RBFOX1: variants seen among roughly 807,000 people sequenced by gnomAD.
RBFOX1 encodes RNA binding fox-1 homolog 1.
RBFOX1 carries 8 observed loss-of-function variants against 57.7 expected under a neutral mutation model. That is an observed-to-expected ratio of 0.14 (90% CI 0.08 to 0.25). The LOEUF (loss-of-function observed/expected upper bound fraction) is 0.25. RBFOX1 is among the 10% of genes least tolerant of loss of function. The pLI is 1.00. For synonymous variants in RBFOX1, 326 were observed against 222.4 expected (o/e 1.47, Z -4.15); for missense variants, 611 against 548.5 (o/e 1.11, Z -1.14).
chr16:7,573,147 A>G (rs1363851177), intron 5 of RBFOX1, among the ~76,000 whole-genome samples: 1 of 152,194 alleles, frequency 6.6e-6, no homozygotes, highest in Non-Finnish European at 1.5e-5. Flanking sequence ...ACCTGGGCAG[A>G]GATTGTATCG....
At chr16:6,215,624 T>C (rs2097331092) in intron 1 of RBFOX1, among the ~76,000 whole-genome samples, 1 of 152,162 alleles carries the variant, frequency 6.6e-6, no homozygotes, top group Admixed American at 6.5e-5. Context: ...ATACTTTTCC[T>C]CCATTAACCT....
intron 4 of RBFOX1, among the ~76,000 whole-genome samples, chr16:7,131,885 G>C (rs1023701874): frequency 1.3e-5 from 2 of 151,986 alleles, no homozygotes; most frequent in Non-Finnish European, 2.9e-5. Flanking sequence ...TTAGCTTCTA[G>C]GGGGTGAGAG....
intron 3 of RBFOX1, among the ~76,000 whole-genome samples, chr16:6,905,421 C>G (rs187991251): frequency 1.1e-3 from 162 of 152,028 alleles, no homozygotes; most frequent in Middle Eastern, 3.4e-3. Context: ...AGCATGGTGG[C>G]ACACTCCTAT....
At chr16:6,255,228 A>G (rs1409125392) in intron 1 of RBFOX1, among the ~76,000 whole-genome samples, 4 of 152,162 alleles carry the variant, frequency 2.6e-5, no homozygotes, top group Non-Finnish European at 2.9e-5. Context: ...CTACCTGTCA[A>G]CAGCACACAA....
intron 4 of RBFOX1, among the ~76,000 whole-genome samples, chr16:7,255,765 A>C (rs544493035): frequency 1.3e-5 from 2 of 152,334 alleles, no homozygotes; most frequent in African/African-American, 2.4e-5. Context: ...TATATAATCA[A>C]TATAGAAATA....
intron 1 of RBFOX1, among the ~76,000 whole-genome samples, chr16:5,398,051 A>G (rs1316155746): frequency 1.3e-5 from 2 of 149,596 alleles, no homozygotes; most frequent in Non-Finnish European, 2.9e-5. Context: ...TGGTGCTGCA[A>G]AGAAAAACCA....
intron 1 of RBFOX1, among the ~76,000 whole-genome samples, chr16:5,302,033 A>G (rs998412489): frequency 6.6e-6 from 1 of 152,050 alleles, no homozygotes; most frequent in African/African-American, 2.4e-5. Flanking sequence ...TCCAGTTTAG[A>G]TCATTCATTT....
intron 2 of RBFOX1, among the ~76,000 whole-genome samples, chr16:6,564,262 A>G (rs2192641): frequency 0.21 from 32,570 of 152,074 alleles, 4,175 homozygotes; most frequent in East Asian, 0.38. Flanking sequence ...CATATGGAAC[A>G]TGCTCTATGG....
chr16:6,927,994 G>A (rs1007818767), intron 3 of RBFOX1, among the ~76,000 whole-genome samples: 2 of 152,124 alleles, frequency 1.3e-5, no homozygotes, highest in South Asian at 2.1e-4. Flanking sequence ...CTGCTGTTCC[G>A]CTGCTGCTGG....
intron 3 of RBFOX1, among the ~76,000 whole-genome samples, chr16:5,753,943 T>C (rs189509366): frequency 2.6e-5 from 4 of 152,270 alleles, no homozygotes; most frequent in African/African-American, 9.6e-5. Context: ...CCCACTCCTC[T>C]CTAGGTATTT....
intron 2 of RBFOX1, among the ~76,000 whole-genome samples, chr16:6,335,875 A>G (rs923577300): frequency 6.6e-6 from 1 of 150,612 alleles, no homozygotes; most frequent in Non-Finnish European, 1.5e-5. Context: ...CTGCATTGTG[A>G]TATTTCCTAT....
chr16:7,298,285 G>GTTT lies in RBFOX1; in HGVS notation c.28-219843_28-219841dup, dbSNP rs201092743. 2.4e-3 allele frequency among the ~76,000 whole-genome samples: 229 copies of GTTT among 96,550 alleles called. 1 individual carries two copies. The highest frequency in any genetic ancestry group is 3.2e-3 in the African/African-American group (79 of 24,918). 63.3% of individuals were successfully genotyped at this position (96,550 alleles called of 152,430 possible). A position where few individuals can be genotyped will look rare whatever the true frequency, so the allele number is the denominator to read the frequency against. ...AAAATTTGTGTATAGGTTTTTTTTT[G>GTTT]TTTTTTTTTTTTTTTTTTTTTGAGA... On this transcript the variant is annotated intron_variant, in intron 4 of 15. Coordinates refer to ENST00000550418, the MANE Select transcript of RBFOX1 (RefSeq NM_018723.4).
intron 3 of RBFOX1, among the ~76,000 whole-genome samples, chr16:7,034,689 A>G (rs1006520700): frequency 1.3e-5 from 2 of 151,880 alleles, no homozygotes; most frequent in Non-Finnish European, 1.5e-5. Flanking sequence ...AACAGGAGAC[A>G]TTCGCCTTTC....
intron 4 of RBFOX1, among the ~76,000 whole-genome samples, chr16:5,923,851 G>A (rs529290995): frequency 6.6e-6 from 1 of 152,004 alleles, no homozygotes; most frequent in Non-Finnish European, 1.5e-5. Context: ...TCCAGAGCCA[G>A]TTTTTAGGCA....
intron 4 of RBFOX1, among the ~76,000 whole-genome samples, chr16:7,411,899 T>G (rs937916560): frequency 1.6e-5 from 1 of 61,304 alleles, no homozygotes; most frequent in Non-Finnish European, 2.9e-5. Flanking sequence ...GCAAAACTCC[T>G]TTCAAAAAAA....
chr16:6,093,905 C>A (rs191631615), intron 1 of RBFOX1, among the ~76,000 whole-genome samples: 2 of 152,230 alleles, frequency 1.3e-5, no homozygotes, highest in East Asian at 3.9e-4. Flanking sequence ...CAGACTGGAG[C>A]CCCTGTGCCC....
intron 3 of RBFOX1, among the ~76,000 whole-genome samples, chr16:5,846,429 C>G (rs1397166293): frequency 1.3e-5 from 2 of 152,112 alleles, no homozygotes; most frequent in Non-Finnish European, 1.5e-5. Flanking sequence ...ATCTCTGTGT[C>G]TCTGTGTGAT....
intron 3 of RBFOX1, among the ~76,000 whole-genome samples, chr16:6,815,706 C>A (rs1488654782): frequency 1.3e-5 from 2 of 152,174 alleles, no homozygotes; most frequent in South Asian, 2.1e-4. Flanking sequence ...ACAGAACACA[C>A]ACTTAACCAT....
chr16:6,077,236 T>G (rs1433016344), intron 1 of RBFOX1, among the ~76,000 whole-genome samples: 1 of 152,142 alleles, frequency 6.6e-6, no homozygotes, highest in Non-Finnish European at 1.5e-5. Flanking sequence ...ATTTCAGAGA[T>G]GGGCAGACAC....
Sources: allele counts gnomAD v4.1 joint callset (sites outside exome capture counted in the v4.1 genomes callset), GRCh38; gene constraint gnomAD v4.1.1; transcripts MANE v1.5; gene names NCBI Gene and HGNC (gene_info 2026-07-23, HGNC 2026-07-21).